The following CNTNAP2 variants were observed in gnomAD, a reference collection of about 807,000 sequenced individuals.
The protein encoded by CNTNAP2 is contactin associated protein 2.
Under a neutral mutation model 155.2 loss-of-function variants are expected in CNTNAP2, and 98 were observed. That is an observed-to-expected ratio of 0.63 (90% confidence interval 0.54 to 0.75). CNTNAP2 has a LOEUF of 0.75. CNTNAP2 is among the 30% of genes least tolerant of loss of function. The pLI, the probability that CNTNAP2 is intolerant of heterozygous loss-of-function variation, is 0.00. For synonymous variants in CNTNAP2, 651 were observed against 631.2 expected, an observed-to-expected ratio of 1.03 and a Z score of -0.47; for missense variants, 1,727 against 1,688.1, an observed-to-expected ratio of 1.02 and a Z score of -0.40.
chr7:146,639,485 G>A (rs1186725612), intron 1 of CNTNAP2, among the ~76,000 whole-genome samples: 1 of 125,520 alleles, frequency 8.0e-6, no homozygotes, highest in Non-Finnish European at 1.7e-5. Flanking sequence ...TTATGGGGGA[G>A]GAAACCGTAC....
intron 1 of CNTNAP2, among the ~76,000 whole-genome samples, chr7:146,655,918 G>A (rs1799989086): frequency 6.6e-6 from 1 of 152,042 alleles, no homozygotes; most frequent in African/African-American, 2.4e-5. Flanking sequence ...TCTTCTCTGA[G>A]CATCTCTCTA....
At chr7:147,917,666 G>A (rs1013928628) in intron 14 of CNTNAP2, among the ~76,000 whole-genome samples, 4 of 152,294 alleles carry the variant, frequency 2.6e-5, no homozygotes, top group East Asian at 1.9e-4. Flanking sequence ...GCATGAATAT[G>A]CCTTCCTAAA....
chr7:147,518,748 T>C (rs1799176647), intron 11 of CNTNAP2, among the ~76,000 whole-genome samples: 1 of 152,124 alleles, frequency 6.6e-6, no homozygotes, highest in African/African-American at 2.4e-5. Context: ...TAAAAAATTA[T>C]GGCTGGGCGT....
At chr7:148,293,101 CA>C (rs1768554693) in intron 21 of CNTNAP2, among the ~76,000 whole-genome samples, 1 of 150,904 alleles carries the variant, frequency 6.6e-6, no homozygotes, top group Non-Finnish European at 1.5e-5. Flanking sequence ...AATAAATGAC[CA>C]AAATCTGCTA....
intron 1 of CNTNAP2, among the ~76,000 whole-genome samples, chr7:146,220,704 CTAATA>C (rs1373599704): frequency 1.3e-5 from 2 of 151,946 alleles, no homozygotes; most frequent in African/African-American, 2.4e-5. Context: ...CTGATTAATA[CTAATA>C]TAATTCTGTT....
chr7:146,465,813 TTA>T (rs1396768448), intron 1 of CNTNAP2, among the ~76,000 whole-genome samples: 1 of 152,224 alleles, frequency 6.6e-6, no homozygotes, highest in Non-Finnish European at 1.5e-5. Context: ...TGTTGTTTTT[TTA>T]TATGATTCTT....
chr7:148,274,626 C>G (rs1796840146), intron 21 of CNTNAP2, among the ~76,000 whole-genome samples: 1 of 152,156 alleles, frequency 6.6e-6, no homozygotes, highest in African/African-American at 2.4e-5. Flanking sequence ...TGCCATGTAC[C>G]CTGCCTGCTC....
intron 1 of CNTNAP2, among the ~76,000 whole-genome samples, chr7:146,346,143 G>A (rs1794815185): frequency 6.6e-6 from 1 of 152,046 alleles, no homozygotes; most frequent in Non-Finnish European, 1.5e-5. Context: ...CCAGAGCAGG[G>A]GTCCCCAACC....
intron 3 of CNTNAP2, among the ~76,000 whole-genome samples, chr7:146,914,447 G>A (rs893395160): frequency 6.0e-5 from 9 of 151,178 alleles, no homozygotes; most frequent in South Asian, 2.1e-4. Context: ...ACACATCCAC[G>A]CCAACATCTA....
At chr7:147,348,455 A>C (rs1795915825) in intron 9 of CNTNAP2, among the ~76,000 whole-genome samples, 1 of 151,968 alleles carries the variant, frequency 6.6e-6, no homozygotes, top group Non-Finnish European at 1.5e-5. Flanking sequence ...AAGTTATCGC[A>C]CCGTCAGTAG....
At chr7:146,240,765 T>G (rs944066399) in intron 1 of CNTNAP2, among the ~76,000 whole-genome samples, 1 of 152,200 alleles carries the variant, frequency 6.6e-6, no homozygotes, top group Non-Finnish European at 1.5e-5. Context: ...TGTTTGCTAT[T>G]TGCATAGGGC....
chr7:147,996,634 T>A (rs1801808907), intron 15 of CNTNAP2, among the ~76,000 whole-genome samples: 1 of 152,196 alleles, frequency 6.6e-6, no homozygotes, highest in Admixed American at 6.5e-5. Flanking sequence ...CAGTGACTGC[T>A]ACAGTAAGCT....
chr7:147,284,076 C>A (rs975329326), intron 8 of CNTNAP2, among the ~76,000 whole-genome samples: 23 of 151,634 alleles, frequency 1.5e-4, no homozygotes, highest in African/African-American at 5.6e-4. Flanking sequence ...TGTTTAGAGT[C>A]ATCCAGAACG....
chr7:147,225,684 A>G (rs542134030), intron 8 of CNTNAP2, among the ~76,000 whole-genome samples: 218 of 151,856 alleles, frequency 1.4e-3, no homozygotes, highest in Admixed American at 2.4e-3. Flanking sequence ...TACTCTTAAC[A>G]TTCCGGTGTT....
At chr7:147,249,891 C>G (rs1804155950) in intron 8 of CNTNAP2, among the ~76,000 whole-genome samples, 1 of 152,142 alleles carries the variant, frequency 6.6e-6, no homozygotes, top group Non-Finnish European at 1.5e-5. Flanking sequence ...ACACACAACC[C>G]TCACGCAGCT....
chr7:147,975,296 A>T (rs755987408), intron 14 of CNTNAP2, among the ~76,000 whole-genome samples: 5 of 152,012 alleles, frequency 3.3e-5, no homozygotes, highest in Non-Finnish European at 7.4e-5. Context: ...GTTACTTCTG[A>T]TGGAGTGTAC....
intron 18 of CNTNAP2, among the ~76,000 whole-genome samples, chr7:148,187,591 T>C (rs1228365732): frequency 1.3e-5 from 2 of 152,184 alleles, no homozygotes; most frequent in African/African-American, 4.8e-5. Context: ...TCTATTTCTA[T>C]GAGGAGCTAG....
chr7:147,594,078 T>C (rs116125875), intron 12 of CNTNAP2, among the ~76,000 whole-genome samples: 218 of 152,030 alleles, frequency 1.4e-3, no homozygotes, highest in African/African-American at 4.8e-3. Flanking sequence ...ACTTCTGCAA[T>C]TCCAACATTT....
At chr7:147,611,376 A>G (rs1490983623) in intron 12 of CNTNAP2, among the ~76,000 whole-genome samples, 2 of 152,226 alleles carry the variant, frequency 1.3e-5, no homozygotes, top group Admixed American at 1.3e-4. Flanking sequence ...ACCCAGTGTG[A>G]GTGAAAAAGG....
Sources: gnomAD v4.1 joint callset for allele counts (sites outside exome capture counted in the v4.1 genomes callset) on GRCh38, gnomAD v4.1.1 for gene constraint, MANE v1.5 for transcripts, NCBI Gene and HGNC (gene_info 2026-07-23, HGNC 2026-07-21) for gene names.